CERT1: variants seen among roughly 807,000 people sequenced by gnomAD.
CERT1 encodes ceramide transfer protein.
Under a neutral mutation model 87.9 loss-of-function variants are expected in CERT1, and 31 were observed. The ratio of observed to expected loss-of-function variants is 0.35; its 90% CI spans 0.27 to 0.48. The LOEUF (loss-of-function observed/expected upper bound fraction) is 0.48. Among genes scored for constraint, CERT1 ranks in the 20% least tolerant of loss-of-function variants. The pLI is 0.99. For missense variants in CERT1, 487 were observed against 758.0 expected (o/e 0.64, Z 4.20); for synonymous variants, 289 against 250.9 (o/e 1.15, Z -1.44).
chr5:75,500,074 T>C (rs1400862864), intron 2 of CERT1, among the ~76,000 whole-genome samples: 1 of 152,174 alleles, frequency 6.6e-6, no homozygotes. Context: ...GAATGCCATG[T>C]GTACATGCAG....
At chr5:75,401,895 T>C (rs1164581760) in intron 9 of CERT1, 1 of 152,214 alleles carries the variant, frequency 6.6e-6, no homozygotes, top group Non-Finnish European at 1.5e-5. Context: ...TTTGGCAAGA[T>C]ACTCTGTAGC....
At chr5:75,411,320 T>C (rs1265924834) in intron 7 of CERT1, among the ~76,000 whole-genome samples, 1 of 152,136 alleles carries the variant, frequency 6.6e-6, no homozygotes, top group African/African-American at 2.4e-5. Flanking sequence ...TGTATGTATG[T>C]ATGTATTTTT....
At chr5:75,414,995 TTCTC>T (rs1348977710) in intron 7 of CERT1, among the ~76,000 whole-genome samples, 1 of 152,056 alleles carries the variant, frequency 6.6e-6, no homozygotes, top group East Asian at 1.9e-4. Flanking sequence ...ATAAACAACT[TTCTC>T]TATTTAAGAA....
At chr5:75,370,667 C>T (rs7733436) in intron 17 of CERT1, 82,434 of 151,874 alleles carry the variant, frequency 0.54, 25,515 homozygotes, top group African/African-American at 0.86. Context: ...AAAAAAAAAA[C>T]TGAGCTGGGC....
At position 75,381,187 on chromosome 5, in the gene CERT1, A is replaced by G. The variant is rs763605468; in HGVS notation, c.1632T>C (p.Cys544=). ...TAGCAACATTTATTTTGGCACGGAC[A>G]CATCGGTTGTTTAGCTGCCAAAACA... ...DHDSAPLNNR[C]VRAKINVAMI... Residue 544 remains cysteine (C), a synonymous_variant, in exon 16 of 17, where the codon TGT becomes TGC. Coordinates refer to ENST00000643780, the MANE Select transcript of CERT1 (RefSeq NM_001379029.1). 4 of 1,614,166 alleles carry G rather than the reference A, an allele frequency of 2.5e-6. No individual in the cohort carries two copies. Among genetic ancestry groups the G allele is most frequent in the Non-Finnish European group, 3.4e-6 (4 of 1,180,014 alleles).
At chr5:75,445,050 T>C (rs1026590052) in intron 3 of CERT1, among the ~76,000 whole-genome samples, 5 of 152,188 alleles carry the variant, frequency 3.3e-5, no homozygotes, top group Admixed American at 6.5e-5. Context: ...CTTTCAGTTG[T>C]TGATGTCACA....
chr5:75,463,018 G>A, intron 2 of CERT1, among the ~76,000 whole-genome samples: 1 of 145,766 alleles, frequency 6.9e-6, no homozygotes, highest in African/African-American at 2.6e-5. Context: ...AAAAAGTCAT[G>A]GACATGTTAA....
chr5:75,391,764 T>C (rs3827608), intron 11 of CERT1, among the ~76,000 whole-genome samples: 11,919 of 152,262 alleles, frequency 0.078, 562 homozygotes, highest in South Asian at 0.17. Flanking sequence ...AGGAGAAATG[T>C]TTACTCTTCA....
intron 9 of CERT1, chr5:75,401,471 C>A (rs1762469526): frequency 6.6e-6 from 1 of 152,094 alleles, no homozygotes; most frequent in Non-Finnish European, 1.5e-5. Flanking sequence ...AAGAGTAAGA[C>A]TGAGGTGTCT....
chr5:75,464,173 A>C (rs563932652), intron 2 of CERT1, among the ~76,000 whole-genome samples: 12 of 152,320 alleles, frequency 7.9e-5, no homozygotes, highest in South Asian at 2.1e-4. Context: ...AGGGAAAAGA[A>C]GACAAAAGAA....
intron 2 of CERT1, among the ~76,000 whole-genome samples, chr5:75,488,819 A>G (rs1242984590): frequency 1.3e-5 from 2 of 152,154 alleles, no homozygotes; most frequent in African/African-American, 4.8e-5. Context: ...TTTCCCAAGT[A>G]CCCAGTATCC....
chr5:75,477,647 TAA>T (rs540588442), intron 2 of CERT1, among the ~76,000 whole-genome samples: 8 of 89,526 alleles, frequency 8.9e-5, no homozygotes, highest in African/African-American at 2.2e-4. Context: ...TAATAAGTTG[TAA>T]AAAAAAAAAA....
intron 2 of CERT1, among the ~76,000 whole-genome samples, chr5:75,463,339 T>C (rs1456911769): frequency 6.6e-6 from 1 of 152,164 alleles, no homozygotes; most frequent in African/African-American, 2.4e-5. Flanking sequence ...TTTGGGGCCA[T>C]AAACCATTGT....
In CERT1 at chr5:75,459,804, A is replaced by G. The variant is rs536067591; in HGVS notation, c.232-623T>C. ...ATGGTGAAATCCTGTCTCTACTAAA[A>G]ATACAAAAATCAGCTGGGCGTGGTG... On this transcript the variant is annotated intron_variant, in intron 2 of 16. Coordinates refer to ENST00000643780, the MANE Select transcript of CERT1 (RefSeq NM_001379029.1). Among the ~76,000 whole-genome samples, 11 of 152,104 alleles carry G rather than the reference A, an allele frequency of 7.2e-5. No individual in the cohort carries two copies. In the South Asian group the frequency reaches 1.9e-3, roughly 26 times the overall value.
intron 3 of CERT1, among the ~76,000 whole-genome samples, chr5:75,451,718 AACT>A (rs1292988090): frequency 1.3e-5 from 2 of 152,184 alleles, no homozygotes; most frequent in African/African-American, 2.4e-5. Context: ...GATATTTAAA[AACT>A]ACTAAGAGTT....
chr5:75,507,401 C>A (rs959124527), intron 1 of CERT1, among the ~76,000 whole-genome samples: 1 of 152,068 alleles, frequency 6.6e-6, no homozygotes, highest in Non-Finnish European at 1.5e-5. Flanking sequence ...GAGCCACCAT[C>A]CCTAGCCAGT....
At chr5:75,448,411 G>A (rs745319658) in intron 3 of CERT1, among the ~76,000 whole-genome samples, 2 of 152,112 alleles carry the variant, frequency 1.3e-5, no homozygotes, top group Non-Finnish European at 2.9e-5. Flanking sequence ...AATTTACTTT[G>A]CTACCTATTT....
chr5:75,494,313 T>C (rs1766956280), intron 2 of CERT1, among the ~76,000 whole-genome samples: 3 of 152,212 alleles, frequency 2.0e-5, no homozygotes, highest in Admixed American at 1.3e-4. Flanking sequence ...GGTCAGATTC[T>C]TAGAAAAGAC....
chr5:75,479,455 T>C (rs1766125352), intron 2 of CERT1, among the ~76,000 whole-genome samples: 1 of 152,128 alleles, frequency 6.6e-6, no homozygotes, highest in Admixed American at 6.5e-5. Context: ...TCTCACCCTC[T>C]ACCCTCAAGT....
Sources: gnomAD v4.1 joint callset for allele counts (sites outside exome capture counted in the v4.1 genomes callset) on GRCh38, gnomAD v4.1.1 for gene constraint, MANE v1.5 for transcripts, NCBI Gene and HGNC (gene_info 2026-07-23, HGNC 2026-07-21) for gene names.